Variants in SERPINE2 observed in about 807,000 individuals in gnomAD.
SERPINE2 encodes glia-derived nexin.
Under a neutral mutation model 36.3 loss-of-function variants are expected in SERPINE2, and 14 were observed. That is an observed-to-expected ratio of 0.39 (90% CI 0.25 to 0.60). The LOEUF (loss-of-function observed/expected upper bound fraction) is 0.60, where lower values mean the gene tolerates loss of function less well. SERPINE2 is among the 20% of genes least tolerant of loss of function. The pLI is 0.57. For missense variants in SERPINE2, 418 were observed against 499.6 expected (o/e 0.84, Z 1.56); for synonymous variants, 192 against 191.8 (o/e 1.00, Z -0.01).
intron 1 of SERPINE2, among the ~76,000 whole-genome samples, chr2:224,017,635 A>G (rs993757246): frequency 1.3e-5 from 2 of 152,192 alleles, no homozygotes; most frequent in African/African-American, 4.8e-5. Flanking sequence ...TCCACTGCCA[A>G]TTATCTGTAT....
At chr2:223,999,482 G>A (rs1691022763) in intron 2 of SERPINE2, among the ~76,000 whole-genome samples, 1 of 152,154 alleles carries the variant, frequency 6.6e-6, no homozygotes, top group Admixed American at 6.5e-5. Flanking sequence ...TTTACACGGG[G>A]GAGGGGGGCA....
At chr2:224,005,096 T>TATATATATATATATATA (rs1251441985) in intron 1 of SERPINE2, among the ~76,000 whole-genome samples, 1 of 132,020 alleles carries the variant, frequency 7.6e-6, no homozygotes, top group Non-Finnish European at 1.6e-5. Context: ...TATATATATA[T>TATATATATATATATATA]AAAACATTGT....
Position 223,998,249 on chromosome 2 carries a change from T to A in SERPINE2, c.353A>T (p.Asn118Ile). 1 of 1,614,194 alleles carries A rather than the reference T, an allele frequency of 6.2e-7. No homozygotes were observed. The highest frequency in any genetic ancestry group is 8.5e-7 in the Non-Finnish European group (1 of 1,180,014). The change falls in exon 3 of 9, where the codon AAT becomes ATT. Residue 118 changes from asparagine to isoleucine, a missense_variant. Transcript: ENST00000409304. ...AAAAGGCACTTCAATTTCAGAGGCA[T>A]TCTTAACAAACACGGCGTTAGCCAC... ...VTVANAVFVKNASEIEVPFVT... is the reference protein window; with the variant it reads ...VTVANAVFVKIASEIEVPFVT...
intron 1 of SERPINE2, among the ~76,000 whole-genome samples, chr2:224,014,587 G>T (rs1210433480): frequency 6.6e-6 from 1 of 152,144 alleles, no homozygotes; most frequent in Non-Finnish European, 1.5e-5. Flanking sequence ...CCTAGAGCAG[G>T]CTTTCTTTAT....
intron 5 of SERPINE2, among the ~76,000 whole-genome samples, chr2:223,982,984 G>C (rs941900936): frequency 1.2e-4 from 18 of 152,198 alleles, no homozygotes; most frequent in Admixed American, 7.2e-4. Context: ...GGCAAAATGA[G>C]TCATATGTAC....
At chr2:224,008,491 G>A (rs1291065005) in intron 1 of SERPINE2, among the ~76,000 whole-genome samples, 1 of 152,064 alleles carries the variant, frequency 6.6e-6, no homozygotes, top group African/African-American at 2.4e-5. Flanking sequence ...CTATAAACTC[G>A]TGTTTTTCAA....
intron 1 of SERPINE2, among the ~76,000 whole-genome samples, chr2:224,036,469 TG>T (rs1410351486): frequency 1.9e-5 from 2 of 107,540 alleles, no homozygotes; most frequent in Non-Finnish European, 3.7e-5. Flanking sequence ...CATCACACAC[TG>T]GGGCCTGTGG....
At chr2:224,005,097 A>ATATATATATATATATATATATAT (rs58677711) in intron 1 of SERPINE2, among the ~76,000 whole-genome samples, 7 of 127,124 alleles carry the variant, frequency 5.5e-5, no homozygotes, top group African/African-American at 1.4e-4. Context: ...ATATATATAT[A>ATATATATATATATATATATATAT]AAACATTGTA....
chr2:224,012,429 T>C (rs1170802971), intron 1 of SERPINE2, among the ~76,000 whole-genome samples: 1 of 152,100 alleles, frequency 6.6e-6, no homozygotes, highest in African/African-American at 2.4e-5. Flanking sequence ...TAATTAACTA[T>C]GTAAAAATTA....
At chr2:224,014,178 C>T (rs1042513582) in intron 1 of SERPINE2, among the ~76,000 whole-genome samples, 1 of 152,054 alleles carries the variant, frequency 6.6e-6, no homozygotes, top group Non-Finnish European at 1.5e-5. Context: ...AGATCGAGAC[C>T]ATCCTGGCTA....
chr2:224,017,688 C>T (rs1481127084), intron 1 of SERPINE2, among the ~76,000 whole-genome samples: 1 of 152,176 alleles, frequency 6.6e-6, no homozygotes, highest in Non-Finnish European at 1.5e-5. Context: ...TCAGCTCCTC[C>T]ATCTGAAAAT....
In SERPINE2 at chr2:223,980,303, G is replaced by GT. The variant is rs1452043713; in HGVS notation, c.1072+7dup. On this transcript the variant is annotated splice_region_variant and intron_variant, in intron 7 of 8. Transcript: ENST00000409304. ...AGAGGAAGCCCTGCCACGTGACCCAGTGCTTACTTGTTGCTGCTGAAGCTT... is the reference window on the plus strand; with the variant it reads ...AGAGGAAGCCCTGCCACGTGACCCAGTTGCTTACTTGTTGCTGCTGAAGCTT... 6.2e-7 allele frequency: 1 copy of GT among 1,612,974 alleles called. No homozygotes were observed. Among genetic ancestry groups the GT allele is most frequent in the Non-Finnish European group, 8.5e-7 (1 of 1,179,038 alleles).
intron 1 of SERPINE2, among the ~76,000 whole-genome samples, chr2:224,017,381 T>A (rs1287567098): frequency 1.3e-5 from 2 of 152,146 alleles, no homozygotes; most frequent in Non-Finnish European, 2.9e-5. Context: ...TTAAGACAGA[T>A]CTTTTTATTT....
At chr2:224,016,091 T>C (rs1462081063) in intron 1 of SERPINE2, among the ~76,000 whole-genome samples, 9 of 152,254 alleles carry the variant, frequency 5.9e-5, no homozygotes, top group African/African-American at 1.9e-4. Flanking sequence ...TGTCACTATA[T>C]GTCCAGATGA....
In SERPINE2 at chr2:224,029,977, G is replaced by T. The variant is rs543488456; in HGVS notation, c.-23+9122C>A. 1.4e-5 allele frequency: 12 copies of T among 854,392 alleles called. No individual in the cohort carries two copies. The South Asian group carries it at 2.7e-4, about 19-fold the overall frequency. The allele number at this position is 854,392 out of a possible 1,614,324, so 52.9% of individuals were successfully genotyped here. On this transcript the variant is annotated intron_variant, in intron 1 of 8. Coordinates refer to ENST00000409304, the MANE Select transcript of SERPINE2 (RefSeq NM_001136528.2). ...CTCCCAAACTGCTGGGATTACAGGC[G>T]TGAGCCAGCATAGACATGTCTGGCC...
intron 3 of SERPINE2, among the ~76,000 whole-genome samples, chr2:223,992,338 G>T (rs1690708139): frequency 1.8e-5 from 1 of 56,964 alleles, no homozygotes; most frequent in South Asian, 9.3e-4. Flanking sequence ...ATTTGATAAT[G>T]AATTATTTCT....
intron 3 of SERPINE2, among the ~76,000 whole-genome samples, chr2:223,994,931 A>G (rs1251625072): frequency 1.3e-5 from 2 of 152,240 alleles, no homozygotes; most frequent in African/African-American, 4.8e-5. Flanking sequence ...AACTTGCCCA[A>G]GGTTATACAG....
At chr2:223,994,010 C>G (rs1690780670) in intron 3 of SERPINE2, among the ~76,000 whole-genome samples, 1 of 152,180 alleles carries the variant, frequency 6.6e-6, no homozygotes, top group Admixed American at 6.5e-5. Flanking sequence ...CTGCTGGGAA[C>G]ATTACCCAGT....
chr2:223,986,839 G>C (rs945777538), intron 4 of SERPINE2, among the ~76,000 whole-genome samples: 16 of 152,132 alleles, frequency 1.1e-4, no homozygotes, highest in African/African-American at 3.9e-4. Context: ...ACCTCTGCTT[G>C]ATGACTGATT....
Sources: allele counts gnomAD v4.1 joint callset (sites outside exome capture counted in the v4.1 genomes callset), GRCh38; gene constraint gnomAD v4.1.1; transcripts MANE v1.5; gene names NCBI Gene and HGNC (gene_info 2026-07-23, HGNC 2026-07-21).